The following INSYN2B variants were observed in gnomAD, a reference collection of about 807,000 sequenced individuals.
The protein encoded by INSYN2B is inhibitory synaptic factor family member 2B, also known as protein INSYN2B.
Under a neutral mutation model 41.2 loss-of-function variants are expected in INSYN2B, and 16 were observed. The ratio of observed to expected loss-of-function variants is 0.39; its 90% CI spans 0.26 to 0.59. The LOEUF (loss-of-function observed/expected upper bound fraction) is 0.59, where lower values mean the gene tolerates loss of function less well. Ranked by LOEUF, INSYN2B falls within the 20% of genes least tolerant of loss-of-function variation. The probability of loss-of-function intolerance (pLI) is 0.57; values close to 1 mark genes in which losing one functional copy is unlikely to be tolerated. For missense variants in INSYN2B, 608 were observed against 646.4 expected (o/e 0.94, Z 0.64); for synonymous variants, 245 against 244.4 (o/e 1.00, Z -0.02).
Position 169,972,708 on chromosome 5 carries a change from C to T in INSYN2B, c.-919+7569G>A, listed in dbSNP as rs573415940. On this transcript the variant is annotated intron_variant, in intron 1 of 3. Coordinates refer to ENST00000377365, the MANE Select transcript of INSYN2B (RefSeq NM_001129891.3). Reference sequence around the variant, plus strand: ...TCATCATACCTGACATAGCTCCTTACACACAATAAGTGCTAAATAAATATT... The same window carrying T: ...TCATCATACCTGACATAGCTCCTTATACACAATAAGTGCTAAATAAATATT... Among the ~76,000 whole-genome samples the T allele has an allele frequency of 3.3e-5, 5 of 152,306 alleles. 1 individual carries two copies. Among genetic ancestry groups the T allele is most frequent in the East Asian group, 1.9e-4 (1 of 5,192 alleles).
chr5:169,938,493 T>A (rs1275345812), intron 1 of INSYN2B, among the ~76,000 whole-genome samples: 2 of 152,160 alleles, frequency 1.3e-5, no homozygotes, highest in Non-Finnish European at 2.9e-5. Context: ...TTAGAACACA[T>A]TGGTAAATGT....
chr5:169,923,347 A>G (rs942011130), intron 1 of INSYN2B, among the ~76,000 whole-genome samples: 3 of 152,202 alleles, frequency 2.0e-5, no homozygotes, highest in Non-Finnish European at 4.4e-5. Context: ...TTTATGTGTT[A>G]CTTTCCTAAT....
At chr5:169,963,218 C>T (rs537174789) in intron 1 of INSYN2B, among the ~76,000 whole-genome samples, 41 of 152,264 alleles carry the variant, frequency 2.7e-4, no homozygotes, top group East Asian at 5.8e-4. Context: ...AAGTGGTCCA[C>T]GTGGGGTGGG....
rs114258018 is a variant in INSYN2B at position 169,877,134 on chromosome 5, G to A, written c.1421+4234C>T. 2.6e-3 allele frequency among the ~76,000 whole-genome samples: 395 copies of A among 152,262 alleles called. 2 individuals are homozygous for A. The highest frequency in any genetic ancestry group is 8.9e-3 in the African/African-American group (369 of 41,556). ...CCACACAAAGCAGGGCAGAAAAGACGTCCCAGGAAAGCAAAGGAACTTATG... is the reference window on the plus strand; with the variant it reads ...CCACACAAAGCAGGGCAGAAAAGACATCCCAGGAAAGCAAAGGAACTTATG... On this transcript the variant is annotated intron_variant, in intron 3 of 3. Coordinates refer to ENST00000377365, the MANE Select transcript of INSYN2B (RefSeq NM_001129891.3).
chr5:169,972,229 G>A (rs1300602574), intron 1 of INSYN2B, among the ~76,000 whole-genome samples: 1 of 152,040 alleles, frequency 6.6e-6, no homozygotes, highest in Non-Finnish European at 1.5e-5. Context: ...TACCCTCATA[G>A]ATTGTTCCTG....
intron 1 of INSYN2B, among the ~76,000 whole-genome samples, chr5:169,897,710 G>A (rs547616543): frequency 1.3e-5 from 2 of 152,152 alleles, no homozygotes. Flanking sequence ...TTGTGACGGG[G>A]TGAGCTCCCT....
chr5:169,942,987 A>G (rs533623649), intron 1 of INSYN2B, among the ~76,000 whole-genome samples: 2 of 152,340 alleles, frequency 1.3e-5, no homozygotes, highest in Non-Finnish European at 2.9e-5. Flanking sequence ...TATGCGTGGG[A>G]CAAACATGGT....
chr5:169,957,858 G>A (rs959159375), intron 1 of INSYN2B, among the ~76,000 whole-genome samples: 12 of 152,082 alleles, frequency 7.9e-5, no homozygotes, highest in African/African-American at 2.9e-4. Context: ...ATTGCCTTAG[G>A]CATTTATTAT....
chr5:169,886,486 T>G (rs1328206067), intron 1 of INSYN2B, among the ~76,000 whole-genome samples: 1 of 152,186 alleles, frequency 6.6e-6, no homozygotes, highest in African/African-American at 2.4e-5. Context: ...AGATAATAAT[T>G]AAGCCTGCCT....
At chr5:169,961,857 T>G (rs141255359) in intron 1 of INSYN2B, among the ~76,000 whole-genome samples, 4,504 of 151,430 alleles carry the variant, frequency 0.03, 158 homozygotes, top group African/African-American at 0.08. Flanking sequence ...CAGGCACCTG[T>G]AATCCCAGCT....
At chr5:169,875,857 A>ACTGG (rs1772299291) in intron 3 of INSYN2B, 1 of 152,334 alleles carries the variant, frequency 6.6e-6, no homozygotes, top group African/African-American at 2.4e-5. Context: ...AGGCAAATAA[A>ACTGG]CTGGCCTCCA....
chr5:169,886,656 T>C (rs1398153649), intron 1 of INSYN2B, among the ~76,000 whole-genome samples: 1 of 152,254 alleles, frequency 6.6e-6, no homozygotes, highest in African/African-American at 2.4e-5. Context: ...TATCCCCGTT[T>C]TGCAGAGTAA....
intron 3 of INSYN2B, among the ~76,000 whole-genome samples, chr5:169,873,482 C>G (rs2113467538): frequency 6.6e-6 from 1 of 152,316 alleles, no homozygotes. Flanking sequence ...GCAAATGCAT[C>G]TGTGATTACT....
chr5:169,920,132 C>T (rs779304247), intron 1 of INSYN2B, among the ~76,000 whole-genome samples: 4 of 152,076 alleles, frequency 2.6e-5, no homozygotes, highest in Non-Finnish European at 4.4e-5. Flanking sequence ...TGAGATTTAG[C>T]GTCTCAGGGA....
intron 1 of INSYN2B, among the ~76,000 whole-genome samples, chr5:169,925,421 A>G (rs1400907055): frequency 6.6e-6 from 1 of 152,068 alleles, no homozygotes; most frequent in Non-Finnish European, 1.5e-5. Flanking sequence ...CTTTACTAAA[A>G]TTACAAAAAT....
chr5:169,949,740 T>C (rs973905172), intron 1 of INSYN2B, among the ~76,000 whole-genome samples: 1 of 111,062 alleles, frequency 9.0e-6, no homozygotes, highest in African/African-American at 4.4e-5. Flanking sequence ...TTTCTGAGTG[T>C]ACACAGAGGT....
chr5:169,891,867 C>G (rs1773303920), intron 1 of INSYN2B, among the ~76,000 whole-genome samples: 1 of 151,862 alleles, frequency 6.6e-6, no homozygotes, highest in African/African-American at 2.4e-5. Context: ...TGGTGGCAGG[C>G]ACCTGTAATC....
At chr5:169,970,995 C>CG (rs754709616) in intron 1 of INSYN2B, among the ~76,000 whole-genome samples, 1 of 151,634 alleles carries the variant, frequency 6.6e-6, no homozygotes, top group East Asian at 1.9e-4. Flanking sequence ...GGTGGGGCAG[C>CG]GGGGGGAGGA....
At chr5:169,889,647 C>A (rs912336825) in intron 1 of INSYN2B, among the ~76,000 whole-genome samples, 1 of 152,180 alleles carries the variant, frequency 6.6e-6, no homozygotes, top group African/African-American at 2.4e-5. Flanking sequence ...CTTTAAAGGG[C>A]CAGATAGTAA....
Sources: allele counts gnomAD v4.1 joint callset (sites outside exome capture counted in the v4.1 genomes callset), GRCh38; gene constraint gnomAD v4.1.1; transcripts MANE v1.5; gene names NCBI Gene and HGNC (gene_info 2026-07-23, HGNC 2026-07-21).